Variants in OSBPL10 observed in about 807,000 individuals in gnomAD.
The protein encoded by OSBPL10 is oxysterol-binding protein-related protein 10.
Under a neutral mutation model 81.7 loss-of-function variants are expected in OSBPL10, and 49 were observed. That is an observed-to-expected ratio of 0.60 (90% CI 0.48 to 0.76). The LOEUF (loss-of-function observed/expected upper bound fraction) is 0.76, where lower values mean the gene tolerates loss of function less well. Among genes scored for constraint, OSBPL10 ranks in the 30% least tolerant of loss-of-function variants. The pLI is 0.00. For missense variants in OSBPL10, 923 were observed against 987.8 expected, an observed-to-expected ratio of 0.93 and a Z score of 0.88; for synonymous variants, 419 against 383.6, an observed-to-expected ratio of 1.09 and a Z score of -1.08.
At chr3:31,840,853 G>T (rs1227586444) in intron 3 of OSBPL10, among the ~76,000 whole-genome samples, 1 of 152,234 alleles carries the variant, frequency 6.6e-6, no homozygotes, top group African/African-American at 2.4e-5. Context: ...GAAATAAACT[G>T]TAGGCTCACA....
chr3:31,672,348 G>GA (rs1700341930), intron 8 of OSBPL10, among the ~76,000 whole-genome samples: 1 of 113,552 alleles, frequency 8.8e-6, no homozygotes, highest in South Asian at 3.4e-4. Flanking sequence ...CTTAGAGCTA[G>GA]AATTTGCGGG....
intron 3 of OSBPL10, among the ~76,000 whole-genome samples, chr3:31,851,972 A>C (rs1196016621): frequency 6.6e-6 from 1 of 152,228 alleles, no homozygotes; most frequent in Non-Finnish European, 1.5e-5. Flanking sequence ...TCCCAAGAGT[A>C]AAAGCTCAAC....
intron 1 of OSBPL10, among the ~76,000 whole-genome samples, chr3:31,932,643 C>T (rs1047545432): frequency 2.6e-5 from 4 of 152,030 alleles, no homozygotes; most frequent in Non-Finnish European, 4.4e-5. Flanking sequence ...CCATTACACA[C>T]TCCCCATGTC....
At chr3:31,784,185 A>AAAAAC (rs1440964923) in intron 4 of OSBPL10, among the ~76,000 whole-genome samples, 2 of 151,952 alleles carry the variant, frequency 1.3e-5, no homozygotes, top group South Asian at 2.1e-4. Flanking sequence ...CTAAAAATAC[A>AAAAAC]AAAACAAAAC....
intron 4 of OSBPL10, among the ~76,000 whole-genome samples, chr3:31,766,329 G>GTTT (rs148986285): frequency 0.015 from 348 of 22,558 alleles, 6 homozygotes; most frequent in African/African-American, 0.026. Flanking sequence ...TAGTTTTTTT[G>GTTT]TTTTTTTGTT....
chr3:32,031,223 CAA>C (rs942567236), intron 2 of OSBPL10, among the ~76,000 whole-genome samples: 2 of 151,548 alleles, frequency 1.3e-5, no homozygotes, highest in African/African-American at 4.8e-5. Context: ...AAGTGACAAA[CAA>C]GAATGAAAAA....
At chr3:31,663,726 AGAT>A in intron 11 of OSBPL10, 1 of 1,148,184 alleles carries the variant, frequency 8.7e-7, no homozygotes, top group Non-Finnish European at 1.1e-6. Flanking sequence ...TTGTTACTAA[AGAT>A]GATCTAACAG....
At chr3:31,694,441 C>T (rs1228719530) in intron 7 of OSBPL10, among the ~76,000 whole-genome samples, 2 of 132,244 alleles carry the variant, frequency 1.5e-5, no homozygotes, top group African/African-American at 2.8e-5. Context: ...ATCTTATATT[C>T]TTTTGTATCT....
chr3:31,713,598 T>C (rs1696338574), intron 6 of OSBPL10, among the ~76,000 whole-genome samples: 1 of 152,102 alleles, frequency 6.6e-6, no homozygotes, highest in Admixed American at 6.5e-5. Context: ...GGATTAGCCA[T>C]GTTGCCCGAG....
intron 4 of OSBPL10, among the ~76,000 whole-genome samples, chr3:31,767,493 C>G (rs889852672): frequency 3.9e-5 from 6 of 152,310 alleles, no homozygotes; most frequent in Admixed American, 1.3e-4. Flanking sequence ...TTTTCCTCCC[C>G]ATCTCTCATG....
chr3:31,974,987 CAA>C lies in OSBPL10; in HGVS notation c.281+5910_281+5911del, dbSNP rs532053034. Among the ~76,000 whole-genome samples, 372 of 152,224 alleles carry C rather than the reference CAA, an allele frequency of 2.4e-3. 3 individuals are homozygous for C. Among genetic ancestry groups the C allele is most frequent in the African/African-American group, 8.3e-3 (344 of 41,530 alleles). On this transcript the variant is annotated intron_variant, in intron 1 of 11. Transcript: ENST00000396556. ...CACACATTCACCTTGGGAAAACAGACAAGAGAAGATAATGGAAATCACCCATA... is the reference window on the plus strand; with the variant it reads ...CACACATTCACCTTGGGAAAACAGACGAGAAGATAATGGAAATCACCCATA...
chr3:31,991,720 A>T (rs1014623982), intron 2 of OSBPL10: 1 of 157,066 alleles, frequency 6.4e-6, no homozygotes, highest in African/African-American at 2.4e-5. Context: ...TCTGAAAAAA[A>T]AAATGGATAA....
At chr3:31,912,358 G>A (rs1696605268) in intron 1 of OSBPL10, among the ~76,000 whole-genome samples, 1 of 149,476 alleles carries the variant, frequency 6.7e-6, no homozygotes, top group South Asian at 2.1e-4. Flanking sequence ...TTGCGCCACT[G>A]CACTCCAGCC....
chr3:31,814,852 A>C (rs1699795698), intron 4 of OSBPL10, among the ~76,000 whole-genome samples: 2 of 152,338 alleles, frequency 1.3e-5, no homozygotes, highest in South Asian at 4.1e-4. Flanking sequence ...CCTAAGGCAC[A>C]AAAGTGGCTT....
At chr3:31,726,889 G>T (rs1401407904) in intron 6 of OSBPL10, among the ~76,000 whole-genome samples, 1 of 151,686 alleles carries the variant, frequency 6.6e-6, no homozygotes, top group African/African-American at 2.4e-5. Flanking sequence ...TGTCACCAAG[G>T]TTCAAATGCA....
chr3:31,707,140 C>G (rs1242501111), intron 6 of OSBPL10: 10 of 152,320 alleles, frequency 6.6e-5, no homozygotes, highest in African/African-American at 2.2e-4. Flanking sequence ...ATGGCAGAAG[C>G]CTGCGTGGTT....
chr3:31,816,406 TAGTC>T (rs1436785145), intron 4 of OSBPL10, among the ~76,000 whole-genome samples: 7 of 152,210 alleles, frequency 4.6e-5, no homozygotes, highest in East Asian at 1.9e-4. Flanking sequence ...TGACAGGTGA[TAGTC>T]AGGCTCCCTT....
At chr3:31,966,456 A>G (rs1698407027) in intron 1 of OSBPL10, among the ~76,000 whole-genome samples, 1 of 151,900 alleles carries the variant, frequency 6.6e-6, no homozygotes, top group Non-Finnish European at 1.5e-5. Context: ...AATCAATTAA[A>G]TTGAAAACAG....
chr3:31,800,513 G>A (rs2125448717), intron 4 of OSBPL10, among the ~76,000 whole-genome samples: 1 of 152,298 alleles, frequency 6.6e-6, no homozygotes, highest in Non-Finnish European at 1.5e-5. Flanking sequence ...AAACCTTTGG[G>A]TCGCCAACTA....
Sources: gnomAD v4.1 joint callset for allele counts (sites outside exome capture counted in the v4.1 genomes callset) on GRCh38, gnomAD v4.1.1 for gene constraint, MANE v1.5 for transcripts, NCBI Gene and HGNC (gene_info 2026-07-23, HGNC 2026-07-21) for gene names.